Variants in SMTN observed in about 807,000 individuals in gnomAD.
The protein encoded by SMTN is smoothelin.
A neutral mutation model predicts 102.0 loss-of-function variants in SMTN; 58 were observed. The ratio of observed to expected loss-of-function variants is 0.57; its 90% CI spans 0.46 to 0.71. The LOEUF is 0.71. SMTN is among the 30% of genes least tolerant of loss of function. SMTN has a pLI of 0.00. For missense variants in SMTN, 1,185 were observed against 1,241.7 expected (o/e 0.95, Z 0.69); for synonymous variants, 478 against 497.9 (o/e 0.96, Z 0.53).
chr22:31,079,217 ACTT>A (rs796861496), upstream of SMTN, among the ~76,000 whole-genome samples: 22 of 152,304 alleles, frequency 1.4e-4, no homozygotes, highest in African/African-American at 5.3e-4. Flanking sequence ...GTAGCTGTAA[ACTT>A]CCCTAGCACT....
upstream of SMTN, among the ~76,000 whole-genome samples, chr22:31,077,862 AGG>A (rs1468213648): frequency 6.6e-6 from 1 of 152,218 alleles, no homozygotes; most frequent in East Asian, 1.9e-4. Flanking sequence ...GTTTCCCAGC[AGG>A]TCCTCAGTCC....
rs2042428260 is a variant in SMTN at position 31,083,208 on chromosome 22, G to A, written c.-51G>A. 1 of 1,587,868 alleles carries A rather than the reference G, an allele frequency of 6.3e-7. No homozygotes were observed. The highest frequency in any genetic ancestry group is 8.6e-7 in the Non-Finnish European group (1 of 1,169,054). On this transcript the variant is annotated 5_prime_UTR_variant, in exon 2 of 21. Coordinates refer to ENST00000333137, the MANE Select transcript of SMTN (RefSeq NM_134269.3). ...CTCTGAGCTGGTGACAGGTGCCACA[G>A]GCACTGGGGATCTCACCAGAAAGGA...
chr22:31,095,152 C>A lies in SMTN; in HGVS notation c.1633-151C>A. ...GTGCCTCTTCCCTGACTGACGCTGACATGGCCATCTTTGGGCAGGCAGGCT... is the reference window on the plus strand; with the variant it reads ...GTGCCTCTTCCCTGACTGACGCTGAAATGGCCATCTTTGGGCAGGCAGGCT... On this transcript the variant is annotated intron_variant, in intron 11 of 20. Transcript: ENST00000333137. This position sits in a 1 kb window ranked among gnomAD's most constrained non-coding sequence, Gnocchi z 4.1. The A allele has an allele frequency of 1.4e-6, 1 of 736,796 alleles. No homozygotes were observed. The highest frequency in any genetic ancestry group is 2.2e-6 in the Non-Finnish European group (1 of 452,036). 45.6% of individuals were successfully genotyped at this position (736,796 alleles called of 1,614,324 possible). A position where few individuals can be genotyped will look rare whatever the true frequency, so the allele number is the denominator to read the frequency against.
intron 1 of SMTN, among the ~76,000 whole-genome samples, chr22:31,073,011 C>CTTTTTTTTTTTTTTTT (rs59040826): frequency 1.2e-5 from 1 of 85,684 alleles, no homozygotes; most frequent in Non-Finnish European, 2.2e-5. Flanking sequence ...CTCTCTCTCT[C>CTTTTTTTTTTTTTTTT]TTTTTTTTTT....
rs953717884 is a variant in SMTN at position 31,095,786 on chromosome 22, T to C, written c.1861+177T>C. 4 of 609,736 alleles carry C rather than the reference T, an allele frequency of 6.6e-6. 1 individual carries two copies. The African/African-American group carries it at 7.4e-5, about 11-fold the overall frequency. 37.8% of individuals were successfully genotyped at this position (609,736 alleles called of 1,614,324 possible). On this transcript the variant is annotated intron_variant, in intron 13 of 20. Coordinates refer to ENST00000333137, the MANE Select transcript of SMTN (RefSeq NM_134269.3). The surrounding 1 kb of genome is among the most constrained non-coding windows in gnomAD (Gnocchi z 4.1). ...CTGCTGGATCCAGCTGCTCCTTCCC[T>C]AGCTCCTTCTCTCCCGCTGGTGACC...
intron 20 of SMTN, 160 bp from the exon 21 acceptor site, chr22:31,104,156 A>G: frequency 1.3e-6 from 1 of 784,858 alleles, no homozygotes; most frequent in East Asian, 2.7e-5. Flanking sequence ...GCTTGGGTAG[A>G]TGAAGCCAGG....
chr22:31,099,574 A>C lies in SMTN; in HGVS notation c.2452-171A>C, dbSNP rs971830008. ...TGTCCCTTGAAATTGCAAATATGGGAGTTGACAGGCTGACTTGGAGGAGGC... is the reference window on the plus strand; with the variant it reads ...TGTCCCTTGAAATTGCAAATATGGGCGTTGACAGGCTGACTTGGAGGAGGC... On this transcript the variant is annotated intron_variant, in intron 18 of 20. Coordinates refer to ENST00000333137, the MANE Select transcript of SMTN (RefSeq NM_134269.3). The C allele has an allele frequency of 1.5e-5, 10 of 679,222 alleles. No homozygotes were observed. In the Admixed American group the frequency reaches 2.9e-4, roughly 20 times the overall value. 42.1% of individuals were successfully genotyped at this position (679,222 alleles called of 1,614,324 possible). A position where few individuals can be genotyped will look rare whatever the true frequency, so the allele number is the denominator to read the frequency against.
intron 2 of SMTN, among the ~76,000 whole-genome samples, chr22:31,085,700 G>T (rs1215201693): frequency 6.6e-6 from 1 of 152,228 alleles, no homozygotes; most frequent in Non-Finnish European, 1.5e-5. Context: ...GGCCTGGGCG[G>T]GTGGAACTCG....
At chr22:31,068,084 C>T (rs1288184272) in intron 1 of SMTN, 3 of 152,146 alleles carry the variant, frequency 2.0e-5, no homozygotes, top group Non-Finnish European at 1.5e-5. Context: ...GCGGGTGGAT[C>T]ACCTGAAGTC....
At chr22:31,084,151 T>C (rs888036395) in intron 2 of SMTN, among the ~76,000 whole-genome samples, 8 of 152,178 alleles carry the variant, frequency 5.3e-5, no homozygotes, top group African/African-American at 1.9e-4. Context: ...TCTACCTCCA[T>C]GCACAGAGGC....
intron 2 of SMTN, among the ~76,000 whole-genome samples, chr22:31,085,989 C>T (rs1007208793): frequency 6.6e-6 from 1 of 152,208 alleles, no homozygotes; most frequent in African/African-American, 2.4e-5. Flanking sequence ...AGACAAAAGG[C>T]TAGCCCTTGC....
Position 31,095,161 on chromosome 22 carries a change from C to A in SMTN, c.1633-142C>A. ...CCCTGACTGACGCTGACATGGCCAT[C>A]TTTGGGCAGGCAGGCTGGCAGGCTA... is the stretch of plus-strand genomic sequence containing the variant. On this transcript the variant is annotated intron_variant, in intron 11 of 20. Coordinates refer to ENST00000333137, the MANE Select transcript of SMTN (RefSeq NM_134269.3). This position sits in a 1 kb window ranked among gnomAD's most constrained non-coding sequence, Gnocchi z 4.1. 1 of 827,260 alleles carries A rather than the reference C, an allele frequency of 1.2e-6. No homozygotes were observed. Among genetic ancestry groups the A allele is most frequent in the Non-Finnish European group, 1.9e-6 (1 of 532,140 alleles). 51.2% of individuals were successfully genotyped at this position (827,260 alleles called of 1,614,324 possible). A position where few individuals can be genotyped will look rare whatever the true frequency, so the allele number is the denominator to read the frequency against.
intron 16 of SMTN, among the ~76,000 whole-genome samples, chr22:31,097,705 A>AAAATAAATAGAT (rs2043708367): frequency 1.4e-5 from 2 of 141,500 alleles, no homozygotes; most frequent in African/African-American, 5.7e-5. Flanking sequence ...CTCAGTCTCA[A>AAAATAAATAGAT]AAATAAATAG....
chr22:31,082,882 T>A (rs764988366), intron 1 of SMTN: 4 of 1,544,808 alleles, frequency 2.6e-6, no homozygotes, highest in Non-Finnish European at 3.5e-6. Context: ...GGCTTCTCAA[T>A]CCAGGTCCCT....
intron 2 of SMTN, among the ~76,000 whole-genome samples, chr22:31,084,718 T>G (rs1226617907): frequency 6.6e-6 from 1 of 152,072 alleles, no homozygotes; most frequent in East Asian, 1.9e-4. Flanking sequence ...CGGGCGGCGC[T>G]GGAAAAGAGT....
intron 16 of SMTN, 36 bp from the exon 17 acceptor site, chr22:31,098,631 C>G: frequency 6.2e-7 from 1 of 1,604,730 alleles, no homozygotes; most frequent in Non-Finnish European, 8.5e-7. Flanking sequence ...AGCAGCCCTG[C>G]TCTCCCTGCC....
At chr22:31,083,475 CCTTGTG>C in intron 2 of SMTN, 166 bp downstream of exon 2, 3 of 823,044 alleles carry the variant, frequency 3.6e-6, no homozygotes, top group Non-Finnish European at 5.5e-6. Context: ...ATGCAGAGGC[CCTTGTG>C]GCATGTGCCT....
rs1339380614 is a variant in SMTN at position 31,098,803 on chromosome 22, G to T, written c.2296G>T (p.Ala766Ser). The stretch of plus-strand genomic sequence containing the variant: ...GACCTCAGCCTCCCAGGCGCGCAAG[G>T]CCATGATTGAGAAGCTGGAGAAGGA... ...PKTSASQARK[A>S]MIEKLEKEGA... The change falls in exon 17 of 21, where the codon GCC (alanine) becomes TCC (serine). Residue 766 changes from alanine to serine, a missense_variant. Transcript: ENST00000333137. The T allele has an allele frequency of 1.2e-6, 2 of 1,612,350 alleles. No individual in the cohort carries two copies. The highest frequency in any genetic ancestry group is 1.3e-5 in the African/African-American group (1 of 74,922).
chr22:31,084,934 CCT>C, intron 2 of SMTN: 8 of 1,355,558 alleles, frequency 5.9e-6, no homozygotes, highest in Non-Finnish European at 7.6e-6. Context: ...GAGCCGGGCT[CCT>C]CCCCGCGGGG....
Sources: gnomAD v4.1 joint callset for allele counts (sites outside exome capture counted in the v4.1 genomes callset) on GRCh38, gnomAD v4.1.1 for gene constraint, Gnocchi (gnomAD v3.1) non-coding constraint, MANE v1.5 for transcripts, NCBI Gene and HGNC (gene_info 2026-07-23, HGNC 2026-07-21) for gene names.